The following C12orf42 variants were observed in gnomAD, a reference collection of about 807,000 sequenced individuals.
C12orf42 encodes uncharacterized protein C12orf42.
A neutral mutation model predicts 21.6 loss-of-function variants in C12orf42; 25 were observed. The observed-to-expected ratio is 1.16, with a 90% CI of 0.84 to 1.62. C12orf42 has a LOEUF of 1.62. Among genes scored for constraint, C12orf42 ranks in the 40% most tolerant of loss-of-function variants. C12orf42 has a pLI of 0.00. For synonymous variants in C12orf42, 174 were observed against 175.0 expected (o/e 0.99, Z 0.05); for missense variants, 483 against 459.3 (o/e 1.05, Z -0.47).
chr12:103,210,234 G>T, the C12orf42 span, among the ~76,000 whole-genome samples: 3 of 151,976 alleles, frequency 2.0e-5, no homozygotes, highest in Non-Finnish European at 4.4e-5. Context: ...TTACATTGTT[G>T]TGTCTAGGTA....
At chr12:103,490,235 G>C (rs1360999301) in intron 1 of C12orf42, among the ~76,000 whole-genome samples, 1 of 152,146 alleles carries the variant, frequency 6.6e-6, no homozygotes, top group African/African-American at 2.4e-5. Context: ...ACATTTAAAA[G>C]AAATCCTTTA....
the C12orf42 span, among the ~76,000 whole-genome samples, chr12:103,050,663 A>G: frequency 1.3e-5 from 2 of 152,104 alleles, no homozygotes; most frequent in East Asian, 3.8e-4. Context: ...TGCTCAGAGC[A>G]ACCATTGCAG....
chr12:103,107,257 A>G, the C12orf42 span, among the ~76,000 whole-genome samples: 1 of 151,994 alleles, frequency 6.6e-6, no homozygotes, highest in African/African-American at 2.4e-5. Flanking sequence ...GCAAAACAAA[A>G]TAAAAACGAT....
chr12:103,125,535 G>A, the C12orf42 span, among the ~76,000 whole-genome samples: 24 of 152,254 alleles, frequency 1.6e-4, no homozygotes, highest in Non-Finnish European at 7.4e-5. Flanking sequence ...CTATATAAGT[G>A]TAAAAGATAG....
chr12:103,400,487 T>C (rs1469248445), intron 3 of C12orf42, among the ~76,000 whole-genome samples: 1 of 152,214 alleles, frequency 6.6e-6, no homozygotes, highest in East Asian at 1.9e-4. Context: ...ATGGAATCCC[T>C]CAGTTGCACA....
chr12:103,277,004 C>A, intron 5 of C12orf42: 1 of 353,104 alleles, frequency 2.8e-6, no homozygotes, highest in Non-Finnish European at 5.4e-6. Flanking sequence ...AAAATTTTTA[C>A]AATTAGATAG....
At chr12:103,177,096 C>T in the C12orf42 span, among the ~76,000 whole-genome samples, 1 of 150,254 alleles carries the variant, frequency 6.7e-6, no homozygotes, top group Non-Finnish European at 1.5e-5. Context: ...CTTGCCTGAA[C>T]TATAACTGTT....
At position 103,301,979 on chromosome 12, in the gene C12orf42, T is replaced by C. The variant is rs117233971; in HGVS notation, c.*129A>G. On this transcript the variant is annotated 3_prime_UTR_variant, in exon 6 of 6. Transcript: ENST00000548883. ...GGACTTTTGACATTATTTATTAGGT[T>C]CAAAAATGCTTCACAAAAGCCTAAC... is the stretch of plus-strand genomic sequence containing the variant. 3.1e-3 allele frequency: 3,351 copies of C among 1,069,886 alleles called. 66 individuals are homozygous for C. The East Asian group carries it at 0.044, about 14-fold the overall frequency. 66.3% of individuals were successfully genotyped at this position (1,069,886 alleles called of 1,614,324 possible).
At chr12:103,431,334 A>G (rs776594511) in intron 2 of C12orf42, 8 of 152,222 alleles carry the variant, frequency 5.3e-5, no homozygotes, top group South Asian at 2.1e-4. Context: ...AATAGAGGCC[A>G]TTTTGACTCT....
chr12:103,493,492 C>A (rs974924743), intron 1 of C12orf42, among the ~76,000 whole-genome samples: 1 of 152,014 alleles, frequency 6.6e-6, no homozygotes, highest in Admixed American at 6.6e-5. Context: ...AGCCTTTGCA[C>A]GTGCCTCTGC....
In C12orf42 at chr12:103,396,329, C is replaced by A. The variant is rs59287527; in HGVS notation, c.147+5278G>T. On this transcript the variant is annotated intron_variant, in intron 3 of 5. Transcript: ENST00000548883. ...TGTGAAGAGGTACTTGCTTCTCCTT[C>A]ACCTTTCACCATGATTGTAAGTTTC... is the stretch of plus-strand genomic sequence containing the variant. Among the ~76,000 whole-genome samples, 349 of 152,246 alleles carry A rather than the reference C, an allele frequency of 2.3e-3. 3 individuals carry two copies. The East Asian group carries it at 0.034, about 15-fold the overall frequency.
the C12orf42 span, among the ~76,000 whole-genome samples, chr12:103,200,673 A>G: frequency 6.6e-6 from 1 of 152,240 alleles, no homozygotes; most frequent in South Asian, 2.1e-4. Context: ...AACATTCTCA[A>G]TAACATCCTT....
At chr12:103,201,646 C>G in the C12orf42 span, among the ~76,000 whole-genome samples, 1 of 152,144 alleles carries the variant, frequency 6.6e-6, no homozygotes, top group African/African-American at 2.4e-5. Flanking sequence ...GTAAGAGGAT[C>G]AGCTTCGATA....
chr12:103,099,767 T>TA, the C12orf42 span, among the ~76,000 whole-genome samples: 4 of 152,216 alleles, frequency 2.6e-5, no homozygotes, highest in Non-Finnish European at 5.9e-5. Context: ...AACCTGGTGA[T>TA]AAAAACCCTT....
At chr12:103,503,167 A>G in the C12orf42 span, among the ~76,000 whole-genome samples, 1 of 152,250 alleles carries the variant, frequency 6.6e-6, no homozygotes, top group Non-Finnish European at 1.5e-5. Context: ...GAATACAGAC[A>G]TAGTTTTTTA....
the C12orf42 span, among the ~76,000 whole-genome samples, chr12:103,501,383 T>C: frequency 2.6e-5 from 4 of 152,102 alleles, no homozygotes; most frequent in Admixed American, 6.5e-5. Flanking sequence ...TTCCTAGACA[T>C]AGGGGTGAGA....
At chr12:103,521,644 T>A in the C12orf42 span, among the ~76,000 whole-genome samples, 1 of 152,230 alleles carries the variant, frequency 6.6e-6, no homozygotes, top group African/African-American at 2.4e-5. Flanking sequence ...TTTACCTATG[T>A]AACAAACCTG....
At chr12:103,401,575 G>A (rs768520287) in intron 3 of C12orf42, 32 bp downstream of exon 3, 21 of 1,595,412 alleles carry the variant, frequency 1.3e-5, no homozygotes, top group South Asian at 2.2e-5. Flanking sequence ...GCACTATGGA[G>A]CAGCCCTGCA....
chr12:103,431,776 C>G (rs1310095650), intron 2 of C12orf42, among the ~76,000 whole-genome samples: 1 of 152,132 alleles, frequency 6.6e-6, no homozygotes, highest in Non-Finnish European at 1.5e-5. Context: ...CAGAACATAT[C>G]CAAGTCACAC....
Sources: allele counts gnomAD v4.1 joint callset (sites outside exome capture counted in the v4.1 genomes callset), GRCh38; gene constraint gnomAD v4.1.1; transcripts MANE v1.5; gene names NCBI Gene and HGNC (gene_info 2026-07-23, HGNC 2026-07-21).